IGFL2: variants seen among roughly 807,000 people sequenced by gnomAD.
The protein encoded by IGFL2 is IGF like family member 2.
In IGFL2, 7 loss-of-function variants were observed where a neutral mutation model predicts 13.9. The ratio of observed to expected loss-of-function variants is 0.51; its 90% CI spans 0.29 to 0.95. The LOEUF is 0.95. IGFL2 is among the 40% of genes least tolerant of loss of function. IGFL2 has a pLI of 0.08. For synonymous variants in IGFL2, 55 were observed against 55.8 expected (o/e 0.99, Z 0.07); for missense variants, 138 against 147.8 (o/e 0.93, Z 0.34).
upstream of IGFL2, among the ~76,000 whole-genome samples, chr19:46,140,130 G>T (rs1011019354): frequency 2.6e-5 from 4 of 151,700 alleles, no homozygotes; most frequent in Non-Finnish European, 5.9e-5. Context: ...TTGTATTTTT[G>T]GTAGAGACGG....
upstream of IGFL2, among the ~76,000 whole-genome samples, chr19:46,140,723 C>T (rs1431442091): frequency 6.6e-6 from 1 of 152,166 alleles, no homozygotes; most frequent in East Asian, 1.9e-4. Context: ...AAACCCATGA[C>T]CAGAAACCCC....
chr19:46,177,781 G>A, the IGFL2 span, among the ~76,000 whole-genome samples: 1 of 152,172 alleles, frequency 6.6e-6, no homozygotes, highest in Non-Finnish European at 1.5e-5. Context: ...CAGTGGGGCA[G>A]TGAGAGACCA....
chr19:46,130,659 A>G, the IGFL2 span, among the ~76,000 whole-genome samples: 1 of 152,234 alleles, frequency 6.6e-6, no homozygotes, highest in Non-Finnish European at 1.5e-5. Flanking sequence ...AAAGTGAGCA[A>G]GAACTAAGAT....
At chr19:46,097,197 G>A in the IGFL2 span, among the ~76,000 whole-genome samples, 1 of 152,202 alleles carries the variant, frequency 6.6e-6, no homozygotes, top group Non-Finnish European at 1.5e-5. Context: ...TTCAGAACTT[G>A]TTAGTGGTCT....
At chr19:46,124,817 C>A in the IGFL2 span, 1 of 657,364 alleles carries the variant, frequency 1.5e-6, no homozygotes. Flanking sequence ...TAACCAAAGT[C>A]TCCCAAGCAC....
the IGFL2 span, chr19:46,119,970 C>A: frequency 6.3e-5 from 17 of 270,646 alleles, no homozygotes; most frequent in Non-Finnish European, 1.1e-4. Flanking sequence ...GCTCTGCCAT[C>A]CATGAATGGC....
the IGFL2 span, among the ~76,000 whole-genome samples, chr19:46,103,289 G>A: frequency 6.6e-6 from 1 of 151,932 alleles, no homozygotes; most frequent in Non-Finnish European, 1.5e-5. Flanking sequence ...TCAAAGCCTC[G>A]GCGATTTTGG....
At chr19:46,146,774 T>A (rs1973159081), upstream of IGFL2, among the ~76,000 whole-genome samples, 1 of 152,188 alleles carries the variant, frequency 6.6e-6, no homozygotes, top group African/African-American at 2.4e-5. Flanking sequence ...AATTGACTTC[T>A]GTGTGTTTCA....
chr19:46,178,989 A>G, the IGFL2 span, among the ~76,000 whole-genome samples: 4 of 151,940 alleles, frequency 2.6e-5, no homozygotes, highest in South Asian at 8.3e-4. Context: ...TTTTTCATCA[A>G]CACAGTGAGT....
At chr19:46,118,813 C>T in the IGFL2 span, among the ~76,000 whole-genome samples, 31 of 152,240 alleles carry the variant, frequency 2.0e-4, 1 homozygote, top group Middle Eastern at 6.8e-3. Flanking sequence ...AGCTTCTTGC[C>T]CATGCTGCTT....
the IGFL2 span, chr19:46,189,311 T>TA: frequency 2.0e-5 from 3 of 152,326 alleles, no homozygotes; most frequent in Admixed American, 6.5e-5. Flanking sequence ...ATTCTGCTAC[T>TA]ACCTAGAAGG....
the IGFL2 span, among the ~76,000 whole-genome samples, chr19:46,180,145 C>T: frequency 2.0e-5 from 3 of 151,360 alleles, no homozygotes; most frequent in African/African-American, 7.3e-5. Flanking sequence ...AAAACACCTG[C>T]TTTACTGAGG....
At chr19:46,178,300 C>T in the IGFL2 span, among the ~76,000 whole-genome samples, 16,934 of 151,780 alleles carry the variant, frequency 0.11, 1,220 homozygotes, top group Middle Eastern at 0.21. Context: ...AAATAGAGAT[C>T]GTAAGGCTAA....
chr19:46,164,906 G>A, downstream of IGFL2, among the ~76,000 whole-genome samples: 1 of 152,196 alleles, frequency 6.6e-6, no homozygotes. Context: ...AAATACTTGA[G>A]TGTCGTCTGG....
At chr19:46,195,232 G>A in the IGFL2 span, 1 of 152,096 alleles carries the variant, frequency 6.6e-6, no homozygotes, top group South Asian at 2.1e-4. Context: ...ACCCAGGCTG[G>A]TCTCAAACTC....
the IGFL2 span, among the ~76,000 whole-genome samples, chr19:46,176,009 A>ATTTTTT: frequency 4.7e-4 from 34 of 71,894 alleles, no homozygotes; most frequent in Non-Finnish European, 5.8e-4. Context: ...CGCCCGACTA[A>ATTTTTT]TTTTTTTTTT....
intron 1 of IGFL2, chr19:46,159,237 G>T (rs1444546100): frequency 2.0e-5 from 3 of 152,120 alleles, no homozygotes; most frequent in Non-Finnish European, 4.4e-5. Flanking sequence ...AGTGGTTTGG[G>T]GCATCATCTT....
the IGFL2 span, among the ~76,000 whole-genome samples, chr19:46,194,229 A>G: frequency 1.3e-5 from 2 of 152,052 alleles, no homozygotes; most frequent in East Asian, 3.9e-4. Flanking sequence ...GAATGCCCAG[A>G]TGGAGTCTAT....
the IGFL2 span, chr19:46,113,896 G>A: frequency 2.6e-5 from 4 of 153,284 alleles, no homozygotes; most frequent in African/African-American, 9.7e-5. Flanking sequence ...AAAGAGCTTG[G>A]TTTATGGCTG....
Sources: gnomAD v4.1 joint callset for allele counts (sites outside exome capture counted in the v4.1 genomes callset) on GRCh38, gnomAD v4.1.1 for gene constraint, MANE v1.5 for transcripts, NCBI Gene and HGNC (gene_info 2026-07-23, HGNC 2026-07-21) for gene names.